The following PARS2 variants were observed in gnomAD, a reference collection of about 807,000 sequenced individuals.
PARS2 encodes the protein prolyl-tRNA synthetase 2, mitochondrial, also known as probable proline--tRNA ligase, mitochondrial.
Under a neutral mutation model 27.4 loss-of-function variants are expected in PARS2, and 20 were observed. The observed-to-expected ratio is 0.73, with a 90% CI of 0.51 to 1.06. The LOEUF (loss-of-function observed/expected upper bound fraction) is 1.06. Among genes scored for constraint, PARS2 ranks in the 50% least tolerant of loss-of-function variants. PARS2 has a pLI of 0.00. For missense variants in PARS2, 585 were observed against 602.1 expected (o/e 0.97, Z 0.30); for synonymous variants, 240 against 247.1 (o/e 0.97, Z 0.27).
Position 54,758,364 on chromosome 1 carries a change from T to A in PARS2, c.798A>T (p.Gly266=). Residue 266 remains glycine, a synonymous_variant, in exon 2 of 2, where the codon GGA becomes GGT. Coordinates refer to ENST00000371279, the MANE Select transcript of PARS2 (RefSeq NM_152268.4). ...GGGGACAGATGGCAAGCCGGTCCTC[T>A]CCAATATCCACTGGGAGCTGGAACT... ...SHEFQLPVDI[G]EDRLAICPRC... The A allele has an allele frequency of 6.2e-7, 1 of 1,614,146 alleles. No individual in the cohort carries two copies. Among genetic ancestry groups the A allele is most frequent in the South Asian group, 1.1e-5 (1 of 91,086 alleles).
At chr1:54,760,266 ACT>A (rs1415200477) in intron 1 of PARS2, among the ~76,000 whole-genome samples, 3 of 151,612 alleles carry the variant, frequency 2.0e-5, no homozygotes, top group African/African-American at 4.8e-5. Context: ...GTACTTCAAA[ACT>A]CTGTGTCCCA....
rs779915944 is a variant in PARS2 at position 54,758,688 on chromosome 1, G to A, written c.474C>T (p.His158=). 9 of 1,614,202 alleles carry A rather than the reference G, an allele frequency of 5.6e-6. No homozygotes were observed. The highest frequency in any genetic ancestry group is 5.3e-5 in the African/African-American group (4 of 75,060). The change falls in exon 2 of 2, where the codon CAC becomes CAT. Residue 158 remains histidine (H), a synonymous_variant. Coordinates refer to ENST00000371279, the MANE Select transcript of PARS2 (RefSeq NM_152268.4). ...HGKEYCLGPT[H]EEAITALIAS... ...CAATTAAGGCCGTAATGGCTTCCTCGTGAGTTGGTCCTAAGCAGTATTCCT... is the reference window on the plus strand; with the variant it reads ...CAATTAAGGCCGTAATGGCTTCCTCATGAGTTGGTCCTAAGCAGTATTCCT...
At chr1:54,761,514 C>T (rs1646157204) in intron 1 of PARS2, among the ~76,000 whole-genome samples, 1 of 152,110 alleles carries the variant, frequency 6.6e-6, no homozygotes, top group Admixed American at 6.5e-5. Flanking sequence ...GAAGAGAAGG[C>T]TTTTTTTGTT....
chr1:54,760,059 C>A (rs1272883991), intron 1 of PARS2, among the ~76,000 whole-genome samples: 1 of 152,082 alleles, frequency 6.6e-6, no homozygotes, highest in Non-Finnish European at 1.5e-5. Context: ...CTGGAGTCAA[C>A]TGCAGCTGAC....
At chr1:54,760,491 G>A (rs931279309) in intron 1 of PARS2, among the ~76,000 whole-genome samples, 5 of 151,918 alleles carry the variant, frequency 3.3e-5, no homozygotes, top group African/African-American at 4.8e-5. Context: ...TACAGCCTCC[G>A]CCCAGGTCCA....
At chr1:54,763,412 T>C (rs1646167816) in intron 1 of PARS2, among the ~76,000 whole-genome samples, 1 of 152,182 alleles carries the variant, frequency 6.6e-6, no homozygotes, top group Admixed American at 6.5e-5. Context: ...AATTACAAGT[T>C]TATGAAGTTT....
chr1:54,758,178 G>C lies in PARS2; in HGVS notation c.984C>G (p.Val328=). ...SSIFNAQFTN[V]CGKPTLAEMG... is the part of the protein sequence containing the mutation. ...TTTCAGCCAGGGTTGGTTTGCCACA[G>C]ACATTGGTAAACTGGGCATTGAAAA... The change falls in exon 2 of 2, where the codon GTC becomes GTG. Residue 328 remains valine (V), a synonymous_variant. Coordinates refer to ENST00000371279, the MANE Select transcript of PARS2 (RefSeq NM_152268.4). 1.2e-6 allele frequency: 2 copies of C among 1,614,234 alleles called. No homozygotes were observed. The highest frequency in any genetic ancestry group is 1.7e-6 in the Non-Finnish European group (2 of 1,180,034).
chr1:54,762,133 C>A (rs1199366044), intron 1 of PARS2, among the ~76,000 whole-genome samples: 1 of 140,760 alleles, frequency 7.1e-6, no homozygotes, highest in Non-Finnish European at 1.5e-5. Context: ...CGCTGGAGGG[C>A]TTGTTTTTTT....
chr1:54,760,453 T>G (rs1402166711), intron 1 of PARS2, among the ~76,000 whole-genome samples: 2 of 152,230 alleles, frequency 1.3e-5, no homozygotes, highest in African/African-American at 4.8e-5. Flanking sequence ...ACCTCTTCAC[T>G]TGCTGTTCAA....
In PARS2 at chr1:54,759,279, G is replaced by A. The variant is rs1282527211; in HGVS notation, c.-29-89C>T. On this transcript the variant is annotated intron_variant, in intron 1 of 1. Coordinates refer to ENST00000371279, the MANE Select transcript of PARS2 (RefSeq NM_152268.4). ...ACCCAGCCTGCTCTCAACAAACTTCGAAGGCAGCCACTGATTTTGCAGATA... is the reference window on the plus strand; with the variant it reads ...ACCCAGCCTGCTCTCAACAAACTTCAAAGGCAGCCACTGATTTTGCAGATA... The A allele has an allele frequency of 5.6e-6, 4 of 710,818 alleles. 1 individual carries two copies. The highest frequency in any genetic ancestry group is 6.3e-5 in the Admixed American group (2 of 31,536). 44.0% of individuals were successfully genotyped at this position (710,818 alleles called of 1,614,324 possible). A position where few individuals can be genotyped will look rare whatever the true frequency, so the allele number is the denominator to read the frequency against.
chr1:54,757,460 C>T lies in PARS2; in HGVS notation c.*274G>A, dbSNP rs1000079823. On this transcript the variant is annotated 3_prime_UTR_variant, in exon 2 of 2. Transcript: ENST00000371279. Reference sequence around the variant, plus strand: ...CACCCAGGACTGGAGCTTGGATCTCCTGCTTCTCAGCCTCCTAGAAGCTTC... The same window carrying T: ...CACCCAGGACTGGAGCTTGGATCTCTTGCTTCTCAGCCTCCTAGAAGCTTC... 1.4e-4 allele frequency: 43 copies of T among 317,438 alleles called. No homozygotes were observed. The highest frequency in any genetic ancestry group is 8.8e-4 in the Middle Eastern group (1 of 1,130). 19.7% of individuals were successfully genotyped at this position (317,438 alleles called of 1,614,324 possible). A position where few individuals can be genotyped will look rare whatever the true frequency, so the allele number is the denominator to read the frequency against.
Position 54,758,322 on chromosome 1 carries a change from G to A in PARS2, c.840C>T (p.Ala280=), listed in dbSNP as rs748891985. ...GTGACAAGTCTAGTGTCTCCATGTT[G>A]GCTGAGAAGCTGCAGCGGGGACAGA... is the stretch of plus-strand genomic sequence containing the variant. ...LAICPRCSFS[A]NMETLDLSQM... Residue 280 remains alanine, a synonymous_variant, in exon 2 of 2, where the codon GCC becomes GCT. Coordinates refer to ENST00000371279, the MANE Select transcript of PARS2 (RefSeq NM_152268.4). 58 of 1,614,068 alleles carry A rather than the reference G, an allele frequency of 3.6e-5. No homozygotes were observed. In the East Asian group the frequency reaches 1.3e-3, roughly 36 times the overall value.
At chr1:54,761,907 A>T (rs2057939) in intron 1 of PARS2, among the ~76,000 whole-genome samples, 25,157 of 152,218 alleles carry the variant, frequency 0.17, 2,779 homozygotes, top group East Asian at 0.47. Context: ...CCCTGGCTCT[A>T]TAACTTCCTT....
Position 54,758,822 on chromosome 1 carries a change from C to T in PARS2, c.340G>A (p.Gly114Ser), listed in dbSNP as rs778638516. Reference sequence around the variant, plus strand: ...AGGCTGGGCATGTTGACTTTCTGGCCCCCGATGGCCTGCATCTCCTGGTCT... The same window carrying T: ...AGGCTGGGCATGTTGACTTTCTGGCTCCCGATGGCCTGCATCTCCTGGTCT... ...VIDQEMQAIGGQKVNMPSLSP... is the reference protein window; with the variant it reads ...VIDQEMQAIGSQKVNMPSLSP... Residue 114 changes from glycine to serine, a missense_variant, in exon 2 of 2, where the codon GGC (glycine) becomes AGC (serine). Physicochemically the swap from Gly to Ser is moderately conservative, Grantham distance 56. Coordinates refer to ENST00000371279, the MANE Select transcript of PARS2 (RefSeq NM_152268.4). 1.2e-6 allele frequency: 2 copies of T among 1,614,194 alleles called. No individual in the cohort carries two copies. The highest frequency in any genetic ancestry group is 1.7e-6 in the Non-Finnish European group (2 of 1,180,034).
chr1:54,762,575 G>A (rs1646163532), intron 1 of PARS2, among the ~76,000 whole-genome samples: 2 of 152,242 alleles, frequency 1.3e-5, no homozygotes, highest in Non-Finnish European at 2.9e-5. Context: ...GGACCCCACT[G>A]GGAGAACCAC....
At position 54,757,989 on chromosome 1, in the gene PARS2, C is replaced by A; in HGVS notation, c.1173G>T (p.Gly391=). 1.2e-6 allele frequency: 2 copies of A among 1,614,178 alleles called. No individual in the cohort carries two copies. Among genetic ancestry groups the A allele is most frequent in the South Asian group, 2.2e-5 (2 of 91,072 alleles). Residue 391 remains glycine, a synonymous_variant, in exon 2 of 2, where the codon GGG becomes GGT. Coordinates refer to ENST00000371279, the MANE Select transcript of PARS2 (RefSeq NM_152268.4). ...CCTCTGTGATGTGGTCGTACAGCTGCCCTATGAGCTCGGAGGCCGCCTGCT... is the reference window on the plus strand; with the variant it reads ...CCTCTGTGATGTGGTCGTACAGCTGACCTATGAGCTCGGAGGCCGCCTGCT... ...SKEQAASELI[G]QLYDHITEAV...
Position 54,757,630 on chromosome 1 carries a change from T to G in PARS2, c.*104A>C. 3.0e-6 allele frequency: 2 copies of G among 673,254 alleles called. No homozygotes were observed. Among genetic ancestry groups the G allele is most frequent in the South Asian group, 3.8e-5 (2 of 52,904 alleles). 41.7% of individuals were successfully genotyped at this position (673,254 alleles called of 1,614,324 possible). ...TAACATGATCTCACCCTCCATGAGC[T>G]GTGCTGTTTCTGGAGAGAGCAGTCC... On this transcript the variant is annotated 3_prime_UTR_variant, in exon 2 of 2. Coordinates refer to ENST00000371279, the MANE Select transcript of PARS2 (RefSeq NM_152268.4).
chr1:54,762,400 A>G (rs1281289656), intron 1 of PARS2, among the ~76,000 whole-genome samples: 1 of 152,128 alleles, frequency 6.6e-6, no homozygotes, highest in African/African-American at 2.4e-5. Context: ...ACGGCCTCCC[A>G]AAGTGCTGGG....
At chr1:54,760,927 C>T (rs1014402366) in intron 1 of PARS2, among the ~76,000 whole-genome samples, 5 of 152,156 alleles carry the variant, frequency 3.3e-5, no homozygotes, top group African/African-American at 9.6e-5. Context: ...TACAGGCACC[C>T]GCCACCATGC....
Sources: gnomAD v4.1 joint callset for allele counts (sites outside exome capture counted in the v4.1 genomes callset) on GRCh38, gnomAD v4.1.1 for gene constraint, MANE v1.5 for transcripts, NCBI Gene and HGNC (gene_info 2026-07-23, HGNC 2026-07-21) for gene names.